SLC6A14: variants seen among roughly 807,000 people sequenced by gnomAD.
SLC6A14 encodes solute carrier family 6 member 14, also known as sodium- and chloride-dependent neutral and basic amino acid transporter B(0+).
Under a neutral mutation model 51.4 loss-of-function variants are expected in SLC6A14, and 21 were observed. The ratio of observed to expected loss-of-function variants is 0.41; its 90% CI spans 0.29 to 0.59. The LOEUF is 0.59. SLC6A14 is among the 20% of genes least tolerant of loss of function. The probability of loss-of-function intolerance (pLI) is 0.31; values close to 1 mark genes in which losing one functional copy is unlikely to be tolerated. For synonymous variants in SLC6A14, 177 were observed against 160.7 expected (o/e 1.10, Z -0.77); for missense variants, 371 against 472.8 (o/e 0.78, Z 2.00).
At chrX:116,455,904 A>G (rs1184151963) in intron 12 of SLC6A14, among the ~76,000 whole-genome samples, 12 of 111,471 alleles carry the variant, frequency 1.1e-4, no homozygotes, top group Non-Finnish European at 1.9e-4. Context: ...CTGAGAAACA[A>G]CAGTCATATT....
At chrX:116,458,108 G>T (rs1350107505) in intron 13 of SLC6A14, among the ~76,000 whole-genome samples, 1 of 111,687 alleles carries the variant, frequency 9.0e-6, no homozygotes, top group Non-Finnish European at 1.9e-5. Flanking sequence ...CTCTGAAGAT[G>T]TCACAAAGCA....
chrX:116,447,000 AAATTT>A (rs1927727671), intron 7 of SLC6A14, 119 bp downstream of exon 7: 2 of 549,638 alleles, frequency 3.6e-6, no homozygotes, highest in Non-Finnish European at 5.6e-6. Flanking sequence ...ATATACAGTT[AAATTT>A]ATTAGTTTCT....
chrX:116,457,835 T>A, intron 13 of SLC6A14, 59 bp downstream of exon 13: 1 of 851,320 alleles, frequency 1.2e-6, no homozygotes, highest in Non-Finnish European at 1.7e-6. Context: ...AAATGGAGAT[T>A]AATTTACTCA....
intron 12 of SLC6A14, among the ~76,000 whole-genome samples, chrX:116,457,081 ATG>A (rs1927948791): frequency 1.8e-5 from 2 of 111,683 alleles, no homozygotes; most frequent in South Asian, 7.3e-4. Context: ...GTGTAAATGC[ATG>A]TGTGTTTTTG....
Position 116,453,138 on chromosome X carries a change from G to C in SLC6A14, c.1281G>C (p.Ser427=). 1 of 1,195,962 alleles carries C rather than the reference G, an allele frequency of 8.4e-7. No homozygotes were observed. Among genetic ancestry groups the C allele is most frequent in the Non-Finnish European group, 1.1e-6 (1 of 886,753 alleles). ...TGGGTCTCGATTCTCAGTTTGCTTCGATTGGTAAGTAATACTTCCAGTGGT... is the reference window on the plus strand; with the variant it reads ...TGGGTCTCGATTCTCAGTTTGCTTCCATTGGTAAGTAATACTTCCAGTGGT... The part of the protein sequence containing the change: ...LTLGLDSQFA[S]IETITTTIQD... Residue 427 remains serine, a synonymous_variant, in exon 9 of 14, where the codon TCG becomes TCC. Transcript: ENST00000598581.
intron 12 of SLC6A14, among the ~76,000 whole-genome samples, chrX:116,456,789 C>A (rs1215577303): frequency 9.0e-6 from 1 of 111,092 alleles, no homozygotes; most frequent in Non-Finnish European, 1.9e-5. Context: ...TTATTGTTTT[C>A]TCGCTGATTT....
At chrX:116,447,186 A>C (rs1172303598) in intron 7 of SLC6A14, among the ~76,000 whole-genome samples, 2 of 111,862 alleles carry the variant, frequency 1.8e-5, no homozygotes, top group African/African-American at 3.3e-5. Context: ...ACAATATTTC[A>C]TGCATAAATA....
In SLC6A14 at chrX:116,445,044, T is replaced by C; in HGVS notation, c.783T>C (p.Ser261=). Residue 261 remains serine (S), a synonymous_variant, in exon 6 of 14, where the codon TCT becomes TCC. Coordinates refer to ENST00000598581, the MANE Select transcript of SLC6A14 (RefSeq NM_007231.5). ...CACTATTTAAAGGAATCAAATCGTC[T>C]GGCAAGGTAACTTGAAAAACACATT... ...GAALFKGIKS[S]GKVVYFTALF... is the part of the protein sequence containing the mutation. The C allele has an allele frequency of 1.7e-6, 2 of 1,184,914 alleles. No homozygotes were observed. The highest frequency in any genetic ancestry group is 2.3e-6 in the Non-Finnish European group (2 of 883,719).
intron 2 of SLC6A14, among the ~76,000 whole-genome samples, chrX:116,439,296 C>T (rs977949337): frequency 4.5e-5 from 5 of 111,045 alleles, no homozygotes; most frequent in Middle Eastern, 4.6e-3. Flanking sequence ...TTTAATATGC[C>T]GTATTGGCTT....
intron 6 of SLC6A14, among the ~76,000 whole-genome samples, chrX:116,446,206 A>C (rs188229540): frequency 9.2e-6 from 1 of 108,112 alleles, no homozygotes; most frequent in East Asian, 2.8e-4. Flanking sequence ...GAAGCAGAGC[A>C]CTTGTATGTA....
chrX:116,459,783 A>C lies in SLC6A14; in HGVS notation c.*828A>C, dbSNP rs1928006695. ...TCTCTGAAATATAGGTTTAATTTCA[A>C]ATAGAATATGGACTTAAATGTTAAT... is the stretch of plus-strand genomic sequence containing the variant. On this transcript the variant is annotated 3_prime_UTR_variant, in exon 14 of 14. Coordinates refer to ENST00000598581, the MANE Select transcript of SLC6A14 (RefSeq NM_007231.5). 8.9e-6 allele frequency: 1 copy of C among 112,218 alleles called. No individual in the cohort carries two copies. Among genetic ancestry groups the C allele is most frequent in the Admixed American group, 9.5e-5 (1 of 10,542 alleles). 9.2% of individuals were successfully genotyped at this position (112,218 alleles called of 1,213,427 possible). A position where few individuals can be genotyped will look rare whatever the true frequency, so the allele number is the denominator to read the frequency against.
intron 13 of SLC6A14, 145 bp downstream of exon 13, chrX:116,457,921 T>C: frequency 2.2e-6 from 1 of 453,738 alleles, no homozygotes; most frequent in Non-Finnish European, 3.8e-6. Flanking sequence ...CCTGACACAG[T>C]CATCTGTTAC....
rs1556693622 is a variant in SLC6A14, at chrX:116,440,963, T to A, written c.215-3T>A. ...TGCTTTGGTTCTTTCTCACCTTTTT[T>A]AGGCGCCTTCTTGATACCTTATGCA... is the stretch of plus-strand genomic sequence containing the variant. On this transcript the variant is annotated splice_region_variant and splice_polypyrimidine_tract_variant and intron_variant, in intron 2 of 13. Transcript: ENST00000598581. The A allele has an allele frequency of 1.7e-6, 2 of 1,209,327 alleles. No homozygotes were observed. The highest frequency in any genetic ancestry group is 1.1e-6 in the Non-Finnish European group (1 of 894,400).
chrX:116,451,530 A>G lies in SLC6A14; in HGVS notation c.1019A>G (p.Lys340Arg). 8.3e-7 allele frequency: 1 copy of G among 1,210,595 alleles called. No individual in the cohort carries two copies. The highest frequency in any genetic ancestry group is 1.1e-6 in the Non-Finnish European group (1 of 894,575). ...GCTCTATCATCTTACAATAAGTTCA[A>G]AAACAACTGCTTCTCTGATGCCATT... ...LVALSSYNKF[K>R]NNCFSDAIVV... is the part of the protein sequence containing the mutation. Residue 340 changes from lysine to arginine, a missense_variant, in exon 8 of 14, where the codon AAA becomes AGA. Lys to Arg is a conservative substitution (Grantham distance 26, BLOSUM62 2). Around this residue, in one of 2 missense-constraint regions of SLC6A14, gnomAD observed 277 missense variants for 391.8 expected, o/e 0.71. Coordinates refer to ENST00000598581, the MANE Select transcript of SLC6A14 (RefSeq NM_007231.5).
At position 116,455,460 on chromosome X, in the gene SLC6A14, T is replaced by C. The variant is rs782244802; in HGVS notation, c.1608T>C (p.Leu536=). The change falls in exon 12 of 14, where the codon CTT becomes CTC. Residue 536 remains leucine (L), a synonymous_variant. Coordinates refer to ENST00000598581, the MANE Select transcript of SLC6A14 (RefSeq NM_007231.5). ...RACWFVITPI[L]LIAIFIWSLV... is the part of the protein sequence containing the mutation. ...GCTGGTTTGTAATTACGCCTATCCT[T>C]TTGATTGTAAGTAATAATACACCAT... 4 of 1,150,907 alleles carry C rather than the reference T, an allele frequency of 3.5e-6. No individual in the cohort carries two copies. The South Asian group carries it at 7.2e-5, about 21-fold the overall frequency. 94.8% of individuals were successfully genotyped at this position (1,150,907 alleles called of 1,213,427 possible). A position where few individuals can be genotyped will look rare whatever the true frequency, so the allele number is the denominator to read the frequency against.
rs1556695119 is a variant in SLC6A14 at position 116,460,659 on chromosome X, T to C, written c.*1704T>C. 2 of 107,374 alleles carry C rather than the reference T, an allele frequency of 1.9e-5. No homozygotes were observed. The highest frequency in any genetic ancestry group is 1.0e-4 in the Admixed American group (1 of 9,954). 8.8% of individuals were successfully genotyped at this position (107,374 alleles called of 1,213,427 possible). The stretch of plus-strand genomic sequence containing the variant: ...TCTCAGCTCACTGCAACCTCTGCCT[T>C]CTGGATTCAAGTGATTCTCCTGCCT... On this transcript the variant is annotated 3_prime_UTR_variant, in exon 14 of 14. Coordinates refer to ENST00000598581, the MANE Select transcript of SLC6A14 (RefSeq NM_007231.5).
In SLC6A14 at chrX:116,437,968, A is replaced by ACGGGGGGGGGGC; in HGVS notation, c.214+14_214+15insGGGGGGGGGGCC. ...AGCAATGGTGGAGGTATTCTATTTC[A>ACGGGGGGGGGGC]CCCCCACCCTCCCACCCCCGCTTTT... On this transcript the variant is annotated intron_variant, in intron 2 of 13. Coordinates refer to ENST00000598581, the MANE Select transcript of SLC6A14 (RefSeq NM_007231.5). 1.8e-6 allele frequency: 2 copies of ACGGGGGGGGGGC among 1,122,100 alleles called. No individual in the cohort carries two copies. The highest frequency in any genetic ancestry group is 2.4e-6 in the Non-Finnish European group (2 of 840,342). 92.5% of individuals were successfully genotyped at this position (1,122,100 alleles called of 1,213,427 possible).
At chrX:116,438,935 C>G (rs2147384201) in intron 2 of SLC6A14, among the ~76,000 whole-genome samples, 1 of 111,613 alleles carries the variant, frequency 9.0e-6, no homozygotes, top group African/African-American at 3.2e-5. Context: ...GTTTATTAAA[C>G]CGTTTAAGTG....
chrX:116,450,946 A>AAAAC (rs1327573086), intron 7 of SLC6A14, among the ~76,000 whole-genome samples: 2 of 111,936 alleles, frequency 1.8e-5, no homozygotes, highest in South Asian at 3.7e-4. Context: ...CTCAAAAACA[A>AAAAC]AAACAAACAA....
Sources: allele counts gnomAD v4.1 joint callset (sites outside exome capture counted in the v4.1 genomes callset), GRCh38; gene constraint gnomAD v4.1.1; regional missense constraint gnomAD v4.1.1; transcripts MANE v1.5; gene names NCBI Gene and HGNC (gene_info 2026-07-23, HGNC 2026-07-21).